The following MCCC1 variants were observed in gnomAD, a reference collection of about 807,000 sequenced individuals.
MCCC1 encodes methylcrotonoyl-CoA carboxylase subunit alpha, mitochondrial.
In MCCC1, 64 loss-of-function variants were observed where a neutral mutation model predicts 83.8. The observed-to-expected ratio is 0.76, with a 90% confidence interval of 0.62 to 0.94. MCCC1 has a LOEUF of 0.94. Ranked by LOEUF, MCCC1 falls within the 40% of genes least tolerant of loss-of-function variation. The pLI is 0.00. For missense variants in MCCC1, 807 were observed against 904.7 expected (o/e 0.89, Z 1.39); for synonymous variants, 322 against 315.4 (o/e 1.02, Z -0.22).
chr3:183,062,720 G>A (rs1017213144), intron 7 of MCCC1, among the ~76,000 whole-genome samples: 1 of 152,192 alleles, frequency 6.6e-6, no homozygotes, highest in South Asian at 2.1e-4. Context: ...GTTCAGTGAA[G>A]ATCTGTGTTC....
chr3:183,065,372 T>C (rs1577320007), intron 7 of MCCC1, among the ~76,000 whole-genome samples: 1 of 152,196 alleles, frequency 6.6e-6, no homozygotes. Flanking sequence ...TGTTTGTCTG[T>C]GTATTTATAT....
chr3:183,016,844 C>T (rs1162180160), intron 18 of MCCC1, among the ~76,000 whole-genome samples: 6 of 152,322 alleles, frequency 3.9e-5, no homozygotes, highest in Non-Finnish European at 7.3e-5. Context: ...AATTTGATTG[C>T]GGTTTTCACT....
At chr3:183,084,444 C>T (rs1210456196) in intron 4 of MCCC1, among the ~76,000 whole-genome samples, 1 of 152,044 alleles carries the variant, frequency 6.6e-6, no homozygotes, top group Non-Finnish European at 1.5e-5. Context: ...TGTATATCTC[C>T]ACGTACTATT....
chr3:183,072,143 C>T (rs748514785), intron 5 of MCCC1, among the ~76,000 whole-genome samples: 2 of 152,102 alleles, frequency 1.3e-5, no homozygotes, highest in African/African-American at 2.4e-5. Flanking sequence ...GCTGGGATTA[C>T]AGGTGTGAGC....
chr3:183,047,831 A>G (rs1714667138), intron 9 of MCCC1, among the ~76,000 whole-genome samples: 1 of 152,228 alleles, frequency 6.6e-6, no homozygotes, highest in African/African-American at 2.4e-5. Context: ...AATACCTAGC[A>G]CTGCAAGACA....
chr3:183,068,259 G>A (rs986408935), intron 7 of MCCC1, among the ~76,000 whole-genome samples: 1 of 152,186 alleles, frequency 6.6e-6, no homozygotes, highest in Non-Finnish European at 1.5e-5. Context: ...GAGATAGAAG[G>A]TCAGCAAAAG....
At chr3:183,100,359 G>A (rs557206168), upstream of MCCC1, among the ~76,000 whole-genome samples, 6 of 152,194 alleles carry the variant, frequency 3.9e-5, no homozygotes, top group South Asian at 2.1e-4. Context: ...TAAGCAAACC[G>A]TTACCACAGA....
At chr3:183,088,845 T>C (rs935672327) in intron 3 of MCCC1, among the ~76,000 whole-genome samples, 1 of 152,230 alleles carries the variant, frequency 6.6e-6, no homozygotes, top group African/African-American at 2.4e-5. Flanking sequence ...TTGTATAACA[T>C]TTGCAAACTA....
intron 17 of MCCC1, 146 bp from the exon 18 acceptor site, chr3:183,017,483 TA>T: frequency 1.3e-6 from 1 of 761,092 alleles, no homozygotes; most frequent in Non-Finnish European, 2.2e-6. Flanking sequence ...AAAACATAAA[TA>T]AAAAGAAAAA....
In MCCC1 at chr3:183,099,483, C is replaced by G; in HGVS notation, c.-43G>C. On this transcript the variant is annotated 5_prime_UTR_variant, in exon 1 of 19. Transcript: ENST00000265594. ...ACTCCGTGACTCCCCAGTACAGAGGCAGCTGCGTCCCACACGCCAAACCCG... is the reference window on the plus strand; with the variant it reads ...ACTCCGTGACTCCCCAGTACAGAGGGAGCTGCGTCCCACACGCCAAACCCG... The G allele has an allele frequency of 1.3e-6, 2 of 1,568,166 alleles. No homozygotes were observed. The highest frequency in any genetic ancestry group is 8.6e-7 in the Non-Finnish European group (1 of 1,157,328).
At chr3:183,098,420 T>C (rs911196283) in intron 1 of MCCC1, 4 of 152,264 alleles carry the variant, frequency 2.6e-5, no homozygotes, top group Non-Finnish European at 5.9e-5. Flanking sequence ...CATTTAGTTT[T>C]CACAACCCAA....
At position 183,086,845 on chromosome 3, in the gene MCCC1, C is replaced by T. The variant is rs1717932071; in HGVS notation, c.274-57G>A. 5 of 1,422,526 alleles carry T rather than the reference C, an allele frequency of 3.5e-6. No individual in the cohort carries two copies. The South Asian group carries it at 5.9e-5, about 17-fold the overall frequency. The allele number at this position is 1,422,526 out of a possible 1,614,324, so 88.1% of individuals were successfully genotyped here. On this transcript the variant is annotated intron_variant, in intron 3 of 18. Coordinates refer to ENST00000265594, the MANE Select transcript of MCCC1 (RefSeq NM_020166.5). ...TTTGTGGCTAGTACATACTCATACA[C>T]TATACAGAACTGCTTCAGGGTCATT...
At chr3:183,091,944 A>C (rs1718381794) in intron 3 of MCCC1, among the ~76,000 whole-genome samples, 1 of 151,202 alleles carries the variant, frequency 6.6e-6, no homozygotes, top group South Asian at 2.3e-4. Flanking sequence ...ACGTCGAGGC[A>C]GGAGAATCGA....
intron 12 of MCCC1, among the ~76,000 whole-genome samples, chr3:183,038,485 G>C (rs927337760): frequency 8.5e-5 from 13 of 152,088 alleles, no homozygotes; most frequent in African/African-American, 3.1e-4. Context: ...GAATAACTGG[G>C]TTAATAAATC....
At chr3:183,107,535 T>TATTATTATTATTATTA (rs1553872789) in intron 1 of MCCC1, among the ~76,000 whole-genome samples, 118 of 149,362 alleles carry the variant, frequency 7.9e-4, no homozygotes, top group African/African-American at 2.7e-3. Context: ...TTATTATTAT[T>TATTATTATTATTATTA]TGTTGTTGTT....
chr3:183,106,227 GC>G (rs1180439340), intron 1 of MCCC1, among the ~76,000 whole-genome samples: 3 of 152,048 alleles, frequency 2.0e-5, no homozygotes, highest in Non-Finnish European at 4.4e-5. Context: ...CATCTTTGTA[GC>G]CAAGGATAAT....
intron 4 of MCCC1, among the ~76,000 whole-genome samples, chr3:183,078,418 G>C (rs1717241269): frequency 6.6e-6 from 1 of 152,132 alleles, no homozygotes; most frequent in South Asian, 2.1e-4. Flanking sequence ...GCTATTTTAG[G>C]ATTAGCTTAT....
intron 1 of MCCC1, among the ~76,000 whole-genome samples, chr3:183,114,635 C>G (rs1376928729): frequency 6.6e-6 from 1 of 152,198 alleles, no homozygotes; most frequent in Non-Finnish European, 1.5e-5. Flanking sequence ...ATTTTCCTCT[C>G]AAGTCCCTTT....
At chr3:183,067,968 G>C (rs1716379292) in intron 7 of MCCC1, among the ~76,000 whole-genome samples, 1 of 152,098 alleles carries the variant, frequency 6.6e-6, no homozygotes, top group African/African-American at 2.4e-5. Context: ...ACATACCGAT[G>C]CTTTCTAACT....
Sources: gnomAD v4.1 joint callset for allele counts (sites outside exome capture counted in the v4.1 genomes callset) on GRCh38, gnomAD v4.1.1 for gene constraint, MANE v1.5 for transcripts, NCBI Gene and HGNC (gene_info 2026-07-23, HGNC 2026-07-21) for gene names.